REV1: variants seen among roughly 807,000 people sequenced by gnomAD.
The protein encoded by REV1 is REV1 DNA directed polymerase.
A neutral mutation model predicts 137.4 loss-of-function variants in REV1; 42 were observed. The ratio of observed to expected loss-of-function variants is 0.31; its 90% CI spans 0.24 to 0.40. REV1 has a LOEUF of 0.40. Ranked by LOEUF, REV1 falls within the 10% of genes least tolerant of loss-of-function variation. The pLI, the probability that REV1 is intolerant of heterozygous loss-of-function variation, is 1.00. For synonymous variants in REV1, 524 were observed against 519.2 expected (o/e 1.01, Z -0.12); for missense variants, 1,282 against 1,490.1 (o/e 0.86, Z 2.30).
chr2:99,486,267 C>A (rs552795356), intron 1 of REV1, among the ~76,000 whole-genome samples: 2 of 152,252 alleles, frequency 1.3e-5, no homozygotes, highest in Non-Finnish European at 2.9e-5. Flanking sequence ...CAGTGGCTCA[C>A]GCCTGTAATC....
chr2:99,412,136 G>A (rs1677245052), intron 13 of REV1, among the ~76,000 whole-genome samples: 3 of 151,684 alleles, frequency 2.0e-5, no homozygotes, highest in Non-Finnish European at 4.4e-5. Flanking sequence ...GGGAGGCTGA[G>A]GCAGGAGAAT....
At chr2:99,410,970 C>A in intron 13 of REV1, 103 bp from the exon 14 acceptor site, 1 of 1,073,122 alleles carries the variant, frequency 9.3e-7, no homozygotes, top group East Asian at 2.6e-5. Flanking sequence ...GTTGGTTACT[C>A]ACTATCACGC....
At chr2:99,451,260 A>C (rs1682892088) in intron 3 of REV1, 1 of 806,232 alleles carries the variant, frequency 1.2e-6, no homozygotes, top group African/African-American at 1.8e-5. Flanking sequence ...TAATGACTTA[A>C]ATAGAAAACG....
intron 1 of REV1, among the ~76,000 whole-genome samples, chr2:99,481,691 C>CCACACACA (rs2104263311): frequency 8.4e-6 from 1 of 119,592 alleles, no homozygotes; most frequent in African/African-American, 3.1e-5. Flanking sequence ...GGGGAGATCC[C>CCACACACA]TACACACACA....
At chr2:99,451,643 T>C (rs1682935174) in intron 3 of REV1, 1 of 451,646 alleles carries the variant, frequency 2.2e-6, no homozygotes, top group African/African-American at 2.0e-5. Context: ...TAAACAAAGC[T>C]GTTACAATGA....
At chr2:99,489,617 G>A (rs1380830134) in intron 1 of REV1, among the ~76,000 whole-genome samples, 200 bp downstream of exon 1, 1 of 149,038 alleles carries the variant, frequency 6.7e-6, no homozygotes, top group African/African-American at 2.4e-5. Flanking sequence ...GCGGCTGCGA[G>A]CGTCAGGGGA....
intron 5 of REV1, among the ~76,000 whole-genome samples, chr2:99,441,707 G>T (rs1442503296): frequency 1.3e-5 from 2 of 152,110 alleles, no homozygotes; most frequent in East Asian, 3.8e-4. Context: ...AATTACTTGT[G>T]AGGAAATAAT....
chr2:99,412,672 T>C (rs921773774), intron 13 of REV1, 59 bp downstream of exon 13: 23 of 1,219,046 alleles, frequency 1.9e-5, no homozygotes, highest in African/African-American at 3.0e-5. Flanking sequence ...GTTGTAGAGG[T>C]AGGACTATGT....
Position 99,402,952 on chromosome 2 carries a change from G to A in REV1, c.3321C>T (p.Gly1107=), listed in dbSNP as rs1400036788. Residue 1107 remains glycine, a synonymous_variant, in exon 20 of 23, where the codon GGC becomes GGT. Transcript: ENST00000258428. ...ACCCATCAATTAACTTCTGGGGACT[G>A]CCACAGGCCCCTGGCAGAGTTTTTG... ...SPAKTLPGAC[G]SPQKLIDGFL... 1.2e-6 allele frequency: 2 copies of A among 1,614,206 alleles called. No individual in the cohort carries two copies. Among genetic ancestry groups the A allele is most frequent in the South Asian group, 1.1e-5 (1 of 91,076 alleles).
intron 13 of REV1, among the ~76,000 whole-genome samples, chr2:99,412,235 G>C (rs1382630192): frequency 8.1e-6 from 1 of 123,130 alleles, no homozygotes; most frequent in Non-Finnish European, 1.6e-5. Flanking sequence ...TCCACCCTGG[G>C]CAACAAAGTG....
intron 1 of REV1, among the ~76,000 whole-genome samples, chr2:99,486,051 G>A (rs1335013991): frequency 6.6e-6 from 1 of 152,192 alleles, no homozygotes; most frequent in African/African-American, 2.4e-5. Context: ...CTTGAGCCCA[G>A]GAGGTTGAGG....
chr2:99,421,343 C>T (rs986316610), intron 11 of REV1, among the ~76,000 whole-genome samples, 156 bp downstream of exon 11: 30 of 151,664 alleles, frequency 2.0e-4, no homozygotes, highest in Admixed American at 1.9e-3. Flanking sequence ...ACTTATATTT[C>T]CAGCACTTAT....
chr2:99,431,681 C>A, intron 8 of REV1: 1 of 971,998 alleles, frequency 1.0e-6, no homozygotes, highest in Non-Finnish European at 1.2e-6. Flanking sequence ...GTCCATGCGC[C>A]CCCAGTGCCC....
At chr2:99,448,018 T>C (rs562491753) in intron 4 of REV1, among the ~76,000 whole-genome samples, 3 of 152,306 alleles carry the variant, frequency 2.0e-5, no homozygotes, top group Non-Finnish European at 4.4e-5. Flanking sequence ...TCTAAAATTA[T>C]ACCAGGTTAT....
rs74646258 is a variant in REV1 at position 99,451,805 on chromosome 2, G to A, written c.182-2301C>T. Among the ~76,000 whole-genome samples the A allele has an allele frequency of 5.0e-3, 766 of 152,016 alleles. 10 individuals are homozygous for A. The highest frequency in any genetic ancestry group is 0.018 in the African/African-American group (728 of 41,482). ...AAAATGACAGAAGACAATATACATAGGCTGACACATGGTGACCCAAAGTTT... is the reference window on the plus strand; with the variant it reads ...AAAATGACAGAAGACAATATACATAAGCTGACACATGGTGACCCAAAGTTT... On this transcript the variant is annotated intron_variant, in intron 3 of 22. Transcript: ENST00000258428.
chr2:99,468,719 C>A (rs1462719745), intron 1 of REV1, among the ~76,000 whole-genome samples: 1 of 152,196 alleles, frequency 6.6e-6, no homozygotes, highest in Non-Finnish European at 1.5e-5. Context: ...CAGCCAATTA[C>A]TGTGTTTCAA....
At chr2:99,486,055 G>GT (rs1229546113) in intron 1 of REV1, among the ~76,000 whole-genome samples, 1 of 152,208 alleles carries the variant, frequency 6.6e-6, no homozygotes, top group Admixed American at 6.5e-5. Flanking sequence ...AGCCCAGGAG[G>GT]TTGAGGCTGC....
Position 99,406,490 on chromosome 2 carries a change from C to T in REV1, c.2449G>A (p.Val817Ile). ...ACCAACTGATTCACGTGAATCCCAA[C>T]CTAGAACCCAGAATAAAGAGTATGC... ...MKLNISDMRG[V>I]GIHVNQLVPT... Residue 817 changes from valine to isoleucine, a missense_variant and splice_region_variant, in exon 16 of 23, where the codon GTT becomes ATT. Coordinates refer to ENST00000258428, the MANE Select transcript of REV1 (RefSeq NM_016316.4). The T allele has an allele frequency of 6.3e-7, 1 of 1,589,608 alleles. No individual in the cohort carries two copies. The highest frequency in any genetic ancestry group is 8.6e-7 in the Non-Finnish European group (1 of 1,166,964).
At chr2:99,464,861 C>T (rs28369943) in intron 2 of REV1, 61 bp downstream of exon 2, 833,122 of 1,479,576 alleles carry the variant, frequency 0.56, 239,002 homozygotes, top group African/African-American at 0.74. Flanking sequence ...CACATTATAA[C>T]AGAAGAATGA....
Sources: gnomAD v4.1 joint callset for allele counts (sites outside exome capture counted in the v4.1 genomes callset) on GRCh38, gnomAD v4.1.1 for gene constraint, MANE v1.5 for transcripts, NCBI Gene and HGNC (gene_info 2026-07-23, HGNC 2026-07-21) for gene names.